CACNG2: variants seen among roughly 807,000 people sequenced by gnomAD.
CACNG2 encodes the protein voltage-dependent calcium channel gamma-2 subunit.
In CACNG2, 3 loss-of-function variants were observed where a neutral mutation model predicts 25.9. The ratio of observed to expected loss-of-function variants is 0.12; its 90% CI spans 0.05 to 0.30. The LOEUF is 0.30. Ranked by LOEUF, CACNG2 falls within the 10% of genes least tolerant of loss-of-function variation. The pLI is 1.00. For synonymous variants in CACNG2, 167 were observed against 173.3 expected (o/e 0.96, Z 0.29); for missense variants, 341 against 432.5 (o/e 0.79, Z 1.88).
chr22:36,636,539 T>C (rs772479672), intron 1 of CACNG2, among the ~76,000 whole-genome samples: 4 of 152,216 alleles, frequency 2.6e-5, no homozygotes, highest in Non-Finnish European at 5.9e-5. Context: ...ATATTTTACC[T>C]TTAAACAACT....
intron 1 of CACNG2, among the ~76,000 whole-genome samples, chr22:36,638,280 T>C (rs73884120): frequency 0.023 from 3,476 of 152,274 alleles, 136 homozygotes; most frequent in African/African-American, 0.081. Context: ...CAGGAGCAGA[T>C]TGACGCAGGT....
intron 2 of CACNG2, among the ~76,000 whole-genome samples, chr22:36,573,256 G>A (rs778679180): frequency 5.9e-5 from 9 of 152,132 alleles, no homozygotes; most frequent in Non-Finnish European, 5.9e-5. Flanking sequence ...ATCTTAAGCA[G>A]CATATAATAG....
At position 36,564,526 on chromosome 22, in the gene CACNG2, G is replaced by T; in HGVS notation, c.797C>A (p.Thr266Lys). 1 of 1,614,136 alleles carries T rather than the reference G, an allele frequency of 6.2e-7. No homozygotes were observed. The highest frequency in any genetic ancestry group is 1.1e-5 in the South Asian group (1 of 91,088). ...GIKGFNTLPS[T>K]EISMYTLSRD... ...GCTGAGCGTGTACATGGAGATCTCC[G>T]TGGACGGCAGGGTGTTGAAGCCCTT... is the stretch of plus-strand genomic sequence containing the variant. Residue 266 changes from threonine to lysine, a missense_variant, in exon 4 of 4, where the codon ACG becomes AAG. Physicochemically the swap from Thr to Lys is moderately conservative, Grantham distance 78. This residue lies in a region of CACNG2 where 172 missense variants were observed against 178.1 expected (regional missense o/e 0.97). Coordinates refer to ENST00000300105, the MANE Select transcript of CACNG2 (RefSeq NM_006078.5). The surrounding 1 kb of genome is among the most constrained non-coding windows in gnomAD (Gnocchi z 6.7).
intron 1 of CACNG2, among the ~76,000 whole-genome samples, chr22:36,591,032 G>A (rs1390550154): frequency 1.3e-5 from 2 of 151,490 alleles, no homozygotes; most frequent in African/African-American, 2.4e-5. Flanking sequence ...TCTATGTTGG[G>A]GGGAGATATA....
intron 1 of CACNG2, among the ~76,000 whole-genome samples, chr22:36,655,351 G>A (rs1386400777): frequency 6.6e-6 from 1 of 152,172 alleles, no homozygotes; most frequent in Non-Finnish European, 1.5e-5. Flanking sequence ...TCGATCAAGC[G>A]TCACCTCCTT....
intron 1 of CACNG2, among the ~76,000 whole-genome samples, chr22:36,623,957 G>C (rs952429799): frequency 3.9e-5 from 6 of 152,094 alleles, no homozygotes; most frequent in African/African-American, 1.4e-4. Context: ...CCTCCAAGAC[G>C]GGGTTGGTCT....
intron 1 of CACNG2, among the ~76,000 whole-genome samples, chr22:36,664,203 T>C (rs1476370628): frequency 6.6e-6 from 1 of 151,692 alleles, no homozygotes; most frequent in East Asian, 1.9e-4. Flanking sequence ...ATAGTAAGGA[T>C]TTAAGAGCCA....
intron 1 of CACNG2, among the ~76,000 whole-genome samples, chr22:36,657,509 C>A (rs1250836514): frequency 6.6e-6 from 1 of 152,050 alleles, no homozygotes; most frequent in Admixed American, 6.6e-5. Flanking sequence ...CTCCAGGAGC[C>A]CGGCTGGAGG....
intron 1 of CACNG2, among the ~76,000 whole-genome samples, chr22:36,612,844 G>A (rs1265942454): frequency 6.6e-6 from 1 of 152,312 alleles, no homozygotes; most frequent in African/African-American, 2.4e-5. Context: ...TCCTAAGCTT[G>A]GGAGAGGATG....
intron 2 of CACNG2, among the ~76,000 whole-genome samples, chr22:36,583,368 G>A (rs1210529384): frequency 6.6e-6 from 1 of 151,776 alleles, no homozygotes; most frequent in Non-Finnish European, 1.5e-5. Context: ...AGGAGGCAGA[G>A]GTTGCAGTGA....
At chr22:36,670,225 G>A (rs1022857748) in intron 1 of CACNG2, among the ~76,000 whole-genome samples, 1 of 152,136 alleles carries the variant, frequency 6.6e-6, no homozygotes, top group Non-Finnish European at 1.5e-5. Flanking sequence ...TGGCTAAAGG[G>A]CAAATATGAA....
In CACNG2 at chr22:36,613,817, T is replaced by C. The variant is rs556002092; in HGVS notation, c.212-26269A>G. 1.2e-4 allele frequency among the ~76,000 whole-genome samples: 19 copies of C among 152,256 alleles called. No homozygotes were observed. In the South Asian group the frequency reaches 2.1e-3, roughly 17 times the overall value. On this transcript the variant is annotated intron_variant, in intron 1 of 3. Coordinates refer to ENST00000300105, the MANE Select transcript of CACNG2 (RefSeq NM_006078.5). ...AGTGTCCATTTCCCCCATCCTCTTATGCTGGCTCAATAATAAATCATGCCT... is the reference window on the plus strand; with the variant it reads ...AGTGTCCATTTCCCCCATCCTCTTACGCTGGCTCAATAATAAATCATGCCT...
At chr22:36,641,894 C>T (rs1391530758) in intron 1 of CACNG2, among the ~76,000 whole-genome samples, 3 of 152,174 alleles carry the variant, frequency 2.0e-5, no homozygotes, top group Non-Finnish European at 4.4e-5. Flanking sequence ...ATTTCATTGG[C>T]TTAATCTTTA....
intron 1 of CACNG2, among the ~76,000 whole-genome samples, chr22:36,590,088 C>A (rs1011247345): frequency 3.9e-5 from 6 of 152,174 alleles, no homozygotes; most frequent in Non-Finnish European, 8.8e-5. Flanking sequence ...CCCAGCAGGG[C>A]CCCAGCTGCA....
intron 1 of CACNG2, among the ~76,000 whole-genome samples, chr22:36,695,840 G>C (rs1937332406): frequency 6.6e-6 from 1 of 152,124 alleles, no homozygotes; most frequent in Non-Finnish European, 1.5e-5. Context: ...GAAGGACGCT[G>C]CTTCCTATGA....
chr22:36,641,004 G>A (rs1308051010), intron 1 of CACNG2, among the ~76,000 whole-genome samples: 1 of 152,134 alleles, frequency 6.6e-6, no homozygotes, highest in African/African-American at 2.4e-5. Flanking sequence ...TCGACCTGGA[G>A]TACTCCCCAC....
intron 2 of CACNG2, among the ~76,000 whole-genome samples, chr22:36,586,441 TC>T (rs1935503796): frequency 6.6e-6 from 1 of 152,348 alleles, no homozygotes; most frequent in African/African-American, 2.4e-5. Context: ...TGCATCGTGT[TC>T]CCTCCCTCTT....
At chr22:36,682,133 T>C (rs897321957) in intron 1 of CACNG2, among the ~76,000 whole-genome samples, 3 of 152,198 alleles carry the variant, frequency 2.0e-5, no homozygotes, top group Non-Finnish European at 4.4e-5. Context: ...GACAGCTCAT[T>C]TCTAAGCTTG....
In CACNG2 at chr22:36,703,493, G is replaced by C. The variant is rs33997421; in HGVS notation, c.-917C>G. 0.51 allele frequency: 76,938 copies of C among 151,878 alleles called. 20,509 individuals carry two copies. The highest frequency in any genetic ancestry group is 0.67 in the African/African-American group (27,938 of 41,404). The allele number at this position is 151,878 out of a possible 1,614,324, so 9.4% of individuals were successfully genotyped here. On this transcript the variant is annotated 5_prime_UTR_variant, in exon 1 of 4. Coordinates refer to ENST00000300105, the MANE Select transcript of CACNG2 (RefSeq NM_006078.5). ...GCCCCCCACTCGCTACCGGCTGGGC[G>C]CCCGCGGAGGCGCTCCCACCTACTG...
Sources: allele counts gnomAD v4.1 joint callset (sites outside exome capture counted in the v4.1 genomes callset), GRCh38; gene constraint gnomAD v4.1.1; regional missense constraint gnomAD v4.1.1; non-coding constraint Gnocchi (gnomAD v3.1); transcripts MANE v1.5; gene names NCBI Gene and HGNC (gene_info 2026-07-23, HGNC 2026-07-21).